The following PHF20 variants were observed in gnomAD, a reference collection of about 807,000 sequenced individuals.
PHF20 encodes PHD finger protein 20, also known as glioma-expressed antigen 2.
Under a neutral mutation model 113.5 loss-of-function variants are expected in PHF20, and 23 were observed. The observed-to-expected ratio is 0.20, with a 90% CI of 0.15 to 0.29. The LOEUF is 0.29. Ranked by LOEUF, PHF20 falls within the 10% of genes least tolerant of loss-of-function variation. The pLI is 1.00. For missense variants in PHF20, 943 were observed against 1,219.6 expected, an observed-to-expected ratio of 0.77 and a Z score of 3.38; for synonymous variants, 434 against 457.3, an observed-to-expected ratio of 0.95 and a Z score of 0.65.
rs1171016018 is a variant in PHF20 at position 35,899,628 on chromosome 20, G to A, written c.1541G>A (p.Arg514Gln). Residue 514 changes from arginine (R) to glutamine (Q), a missense_variant, in exon 10 of 18, where the codon CGG becomes CAG. Arg to Gln is a conservative substitution (Grantham distance 43, BLOSUM62 1). This residue lies in a region of PHF20 where 592 missense variants were observed against 787.2 expected (regional missense o/e 0.75). Coordinates refer to ENST00000374012, the MANE Select transcript of PHF20 (RefSeq NM_016436.5). ...KPSQETLTRK[R>Q]VSASSPTTKD... The stretch of plus-strand genomic sequence containing the variant: ...AGCCAGGAGACCCTGACCAGGAAGC[G>A]GGTCTCTGCCAGTTCCCCAAGTAAG... 22 of 1,614,044 alleles carry A rather than the reference G, an allele frequency of 1.4e-5. No individual in the cohort carries two copies. Among genetic ancestry groups the A allele is most frequent in the East Asian group, 2.2e-5 (1 of 44,888 alleles).
At chr20:35,839,938 T>C (rs931691421) in intron 2 of PHF20, among the ~76,000 whole-genome samples, 2 of 152,208 alleles carry the variant, frequency 1.3e-5, no homozygotes, top group African/African-American at 4.8e-5. Context: ...TTGCTAAACA[T>C]TTATTGAGTA....
intron 10 of PHF20, among the ~76,000 whole-genome samples, chr20:35,910,964 C>A: frequency 6.6e-6 from 1 of 152,110 alleles, no homozygotes; most frequent in South Asian, 2.1e-4. Flanking sequence ...TGGAATCCTG[C>A]AGTGCGCACT....
intron 4 of PHF20, among the ~76,000 whole-genome samples, chr20:35,850,307 T>TTGTTTTTTG (rs1568650617): frequency 9.3e-6 from 1 of 107,958 alleles, no homozygotes; most frequent in Non-Finnish European, 1.9e-5. Flanking sequence ...TTTTTTTTTT[T>TTGTTTTTTG]TTTTTTTTTT....
rs2054816064 is a variant in PHF20, at chr20:35,889,877, A to G, written c.1283-9493A>G. 2.0e-5 allele frequency among the ~76,000 whole-genome samples: 3 copies of G among 151,740 alleles called. No homozygotes were observed. The South Asian group carries it at 6.2e-4, about 32-fold the overall frequency. On this transcript the variant is annotated intron_variant, in intron 9 of 17. Transcript: ENST00000374012. ...CAAGTAGCTGGGACTAGAAGCATGCACCACCATGCCTGGCTAATTTTTGTA... is the reference window on the plus strand; with the variant it reads ...CAAGTAGCTGGGACTAGAAGCATGCGCCACCATGCCTGGCTAATTTTTGTA...
intron 1 of PHF20, among the ~76,000 whole-genome samples, chr20:35,797,034 A>G (rs937989632): frequency 2.0e-5 from 3 of 151,938 alleles, no homozygotes; most frequent in Admixed American, 6.6e-5. Flanking sequence ...GATTTTTTGT[A>G]GAGATGACAT....
rs763313870 is a variant in PHF20 at position 35,847,484 on chromosome 20, G to A, written c.340+50G>A. On this transcript the variant is annotated intron_variant, in intron 4 of 17. Transcript: ENST00000374012. ...TTTTACTCATGACTTAGGTGGTGGG[G>A]GGGGATGTTTGTAATATCAGAGCTT... is the stretch of plus-strand genomic sequence containing the variant. The A allele has an allele frequency of 1.6e-5, 18 of 1,155,832 alleles. No individual in the cohort carries two copies. The East Asian group carries it at 3.0e-4, about 19-fold the overall frequency. 71.6% of individuals were successfully genotyped at this position (1,155,832 alleles called of 1,614,324 possible). A position where few individuals can be genotyped will look rare whatever the true frequency, so the allele number is the denominator to read the frequency against.
At chr20:35,817,359 G>A (rs1428275424) in intron 2 of PHF20, among the ~76,000 whole-genome samples, 2 of 151,788 alleles carry the variant, frequency 1.3e-5, no homozygotes, top group African/African-American at 4.8e-5. Context: ...GCTAATTTTT[G>A]TATTTTTAGT....
intron 15 of PHF20, among the ~76,000 whole-genome samples, chr20:35,934,378 A>G (rs531284372): frequency 6.6e-6 from 1 of 152,202 alleles, no homozygotes; most frequent in East Asian, 1.9e-4. Context: ...TTCTCATATA[A>G]ATGAATGGTT....
At chr20:35,852,137 G>A (rs961382599) in intron 4 of PHF20, among the ~76,000 whole-genome samples, 4 of 152,148 alleles carry the variant, frequency 2.6e-5, no homozygotes, top group African/African-American at 4.8e-5. Flanking sequence ...GTTATAAAGC[G>A]CTTGGATGGT....
At chr20:35,928,202 GCCA>G (rs1452206553) in intron 14 of PHF20, among the ~76,000 whole-genome samples, 1 of 151,956 alleles carries the variant, frequency 6.6e-6, no homozygotes, top group Non-Finnish European at 1.5e-5. Context: ...ACTTTGGGAG[GCCA>G]AGGCGGGTGA....
intron 9 of PHF20, chr20:35,878,586 A>G (rs2054572302): frequency 2.6e-6 from 2 of 755,706 alleles, no homozygotes; most frequent in Non-Finnish European, 4.9e-6. Context: ...ATTGTTGCAT[A>G]TGGATTATAC....
chr20:35,890,321 CACCTG>C (rs1440129349), intron 9 of PHF20, among the ~76,000 whole-genome samples: 2 of 152,228 alleles, frequency 1.3e-5, no homozygotes, highest in African/African-American at 2.4e-5. Context: ...CGAGCCACTA[CACCTG>C]ACCTATTTTA....
intron 17 of PHF20, among the ~76,000 whole-genome samples, chr20:35,941,720 G>C (rs750502832): frequency 6.6e-6 from 1 of 152,212 alleles, no homozygotes; most frequent in Non-Finnish European, 1.5e-5. Flanking sequence ...TCTGGGTACA[G>C]TCTGGCTATG....
chr20:35,880,095 C>T (rs1036605107), intron 9 of PHF20, among the ~76,000 whole-genome samples: 27 of 152,150 alleles, frequency 1.8e-4, no homozygotes, highest in African/African-American at 6.5e-4. Context: ...CTAACTGTTG[C>T]GTATGCAAAG....
At chr20:35,877,553 G>T (rs1041253904) in intron 9 of PHF20, among the ~76,000 whole-genome samples, 5 of 150,870 alleles carry the variant, frequency 3.3e-5, no homozygotes, top group East Asian at 2.0e-4. Flanking sequence ...AGGTTCAAGT[G>T]ATTCTCCTGT....
In PHF20 at chr20:35,939,106, A is replaced by G; in HGVS notation, c.2710A>G (p.Lys904Glu). ...GDSDPKPGSP[K>E]VKEYVSKKAL... Reference sequence around the variant, plus strand: ...CAGTGACCCCAAACCCGGCTCCCCAAAGGTATGTGGCTGCCTTGTACTTGT... The same window carrying G: ...CAGTGACCCCAAACCCGGCTCCCCAGAGGTATGTGGCTGCCTTGTACTTGT... The change falls in exon 16 of 18, where the codon AAG becomes GAG. Residue 904 changes from lysine (K) to glutamate (E), a missense_variant and splice_region_variant. By Grantham distance (56) the Lys-to-Glu change is moderately conservative. Transcript: ENST00000374012. 2 of 1,600,406 alleles carry G rather than the reference A, an allele frequency of 1.2e-6. No homozygotes were observed. The highest frequency in any genetic ancestry group is 1.7e-4 in the Middle Eastern group (1 of 5,970).
At chr20:35,795,276 C>T (rs1189053173) in intron 1 of PHF20, among the ~76,000 whole-genome samples, 1 of 151,508 alleles carries the variant, frequency 6.6e-6, no homozygotes, top group East Asian at 1.9e-4. Context: ...CACTCTGATG[C>T]CTGGGCTAGA....
chr20:35,791,487 ATC>A (rs2041551489), intron 1 of PHF20, among the ~76,000 whole-genome samples: 1 of 129,096 alleles, frequency 7.7e-6, no homozygotes, highest in South Asian at 2.3e-4. Flanking sequence ...CTATCTATCT[ATC>A]TATCTATCTA....
At chr20:35,910,660 G>A (rs544708811) in intron 10 of PHF20, among the ~76,000 whole-genome samples, 2 of 151,566 alleles carry the variant, frequency 1.3e-5, no homozygotes, top group South Asian at 2.1e-4. Flanking sequence ...AGATGGAGTC[G>A]CTGTGTTGCC....
Sources: allele counts gnomAD v4.1 joint callset (sites outside exome capture counted in the v4.1 genomes callset), GRCh38; gene constraint gnomAD v4.1.1; regional missense constraint gnomAD v4.1.1; transcripts MANE v1.5; gene names NCBI Gene and HGNC (gene_info 2026-07-23, HGNC 2026-07-21).